The following EPS15 variants were observed in gnomAD, a reference collection of about 807,000 sequenced individuals.
The protein encoded by EPS15 is epidermal growth factor receptor pathway substrate 15.
In EPS15, 72 loss-of-function variants were observed where a neutral mutation model predicts 113.8. The ratio of observed to expected loss-of-function variants is 0.63; its 90% CI spans 0.52 to 0.77. EPS15 has a LOEUF of 0.77. Among genes scored for constraint, EPS15 ranks in the 30% least tolerant of loss-of-function variants. The probability of loss-of-function intolerance (pLI) is 0.00; values close to 1 mark genes in which losing one functional copy is unlikely to be tolerated. For synonymous variants in EPS15, 344 were observed against 363.4 expected, an observed-to-expected ratio of 0.95 and a Z score of 0.61; for missense variants, 1,048 against 1,045.8, an observed-to-expected ratio of 1.00 and a Z score of -0.03.
chr1:51,512,246 A>G (rs1265515835), intron 1 of EPS15, among the ~76,000 whole-genome samples: 2 of 152,056 alleles, frequency 1.3e-5, no homozygotes, highest in African/African-American at 2.4e-5. Flanking sequence ...AGAGGTCTCA[A>G]TAATACCCAA....
chr1:51,394,468 C>G, intron 20 of EPS15, 21 bp from the exon 21 acceptor site: 1 of 1,551,366 alleles, frequency 6.4e-7, no homozygotes, highest in Non-Finnish European at 8.8e-7. Context: ...CATACAAAAC[C>G]ATGAATGAGA....
At chr1:51,478,395 T>C (rs1643955405) in intron 2 of EPS15, among the ~76,000 whole-genome samples, 1 of 152,242 alleles carries the variant, frequency 6.6e-6, no homozygotes, top group Non-Finnish European at 1.5e-5. Context: ...CTGATGGGTC[T>C]TGCCTCTTTA....
At chr1:51,423,406 C>A in intron 12 of EPS15, 1 of 1,109,206 alleles carries the variant, frequency 9.0e-7, no homozygotes, top group South Asian at 2.1e-5. Context: ...TCTGAAAATA[C>A]CCAACAAATT....
intron 1 of EPS15, among the ~76,000 whole-genome samples, chr1:51,517,096 C>T (rs1321327973): frequency 6.6e-6 from 1 of 152,198 alleles, no homozygotes; most frequent in Non-Finnish European, 1.5e-5. Flanking sequence ...AACCACAAAT[C>T]TGCAAAGTTT....
chr1:51,361,159 C>CACA lies in EPS15; in HGVS notation c.2544+9_2544+11dup. The CACA allele has an allele frequency of 6.3e-7, 1 of 1,595,598 alleles. No individual in the cohort carries two copies. The highest frequency in any genetic ancestry group is 1.3e-5 in the African/African-American group (1 of 74,384). On this transcript the variant is annotated intron_variant, in intron 24 of 24. Transcript: ENST00000371733. Reference sequence around the variant, plus strand: ...AGATTTCTCCCCCAAACAGCTCATTCACAGTACTTACAGCACTGAAGTTGG... The same window carrying CACA: ...AGATTTCTCCCCCAAACAGCTCATTCACAACAGTACTTACAGCACTGAAGTTGG...
intron 1 of EPS15, among the ~76,000 whole-genome samples, chr1:51,500,145 A>G (rs1170144941): frequency 2.0e-5 from 3 of 152,224 alleles, no homozygotes; most frequent in Non-Finnish European, 2.9e-5. Context: ...TAAGAGTCAA[A>G]AATACTCCGT....
At chr1:51,481,179 T>G in intron 2 of EPS15, 94 bp downstream of exon 2, 3 of 745,474 alleles carry the variant, frequency 4.0e-6, no homozygotes, top group South Asian at 3.1e-5. Flanking sequence ...CACATCAAAT[T>G]TATCGAGCTA....
intron 24 of EPS15, among the ~76,000 whole-genome samples, chr1:51,358,270 G>A (rs867346870): frequency 3.3e-5 from 5 of 151,820 alleles, no homozygotes; most frequent in African/African-American, 9.7e-5. Flanking sequence ...CAGCCAGATC[G>A]ACGGAGTGAG....
chr1:51,516,161 C>T (rs1644712630), intron 1 of EPS15, among the ~76,000 whole-genome samples: 1 of 151,996 alleles, frequency 6.6e-6, no homozygotes, highest in African/African-American at 2.4e-5. Flanking sequence ...CTGTAAAGCA[C>T]TAAAGAACCC....
intron 1 of EPS15, among the ~76,000 whole-genome samples, chr1:51,489,785 A>G (rs1644198336): frequency 6.6e-6 from 1 of 152,086 alleles, no homozygotes; most frequent in South Asian, 2.1e-4. Context: ...TCCAAGTAGA[A>G]GCTTCAACAG....
At chr1:51,436,683 T>A (rs765770532) in intron 12 of EPS15, among the ~76,000 whole-genome samples, 8 of 152,030 alleles carry the variant, frequency 5.3e-5, no homozygotes, top group Non-Finnish European at 1.0e-4. Flanking sequence ...ATGTCTAAGA[T>A]GAGATTTGAA....
chr1:51,395,607 C>A (rs974698895), intron 20 of EPS15, among the ~76,000 whole-genome samples: 15 of 152,282 alleles, frequency 9.9e-5, no homozygotes, highest in Admixed American at 5.2e-4. Context: ...AGTCTGGGAT[C>A]AAGAGCAACT....
chr1:51,485,754 T>A (rs1644108139), intron 1 of EPS15, among the ~76,000 whole-genome samples: 2 of 152,186 alleles, frequency 1.3e-5, no homozygotes, highest in Admixed American at 6.5e-5. Context: ...AGATTTCATT[T>A]TGAAATTTTA....
chr1:51,493,528 T>TTAAATAAATAAATAAATAAAAAAA (rs1644275718), intron 1 of EPS15, among the ~76,000 whole-genome samples: 1 of 133,406 alleles, frequency 7.5e-6, no homozygotes, highest in African/African-American at 2.8e-5. Flanking sequence ...CAGTCTCAAA[T>TTAAATAAATAAATAAATAAAAAAA]TAAATAAATA....
intron 1 of EPS15, chr1:51,490,415 A>C: frequency 3.2e-6 from 1 of 314,678 alleles, no homozygotes; most frequent in Non-Finnish European, 6.3e-6. Context: ...AATACAAAAA[A>C]TTAGCTGGGC....
At chr1:51,446,476 GGA>G (rs372925375) in intron 10 of EPS15, among the ~76,000 whole-genome samples, 255 of 129,742 alleles carry the variant, frequency 2.0e-3, no homozygotes, top group African/African-American at 7.6e-3. Flanking sequence ...TTTTTGAGAT[GGA>G]GTTTCATTCT....
chr1:51,497,921 G>C (rs1644352751), intron 1 of EPS15, among the ~76,000 whole-genome samples: 1 of 150,832 alleles, frequency 6.6e-6, no homozygotes. Flanking sequence ...AGGTTGCAGT[G>C]AGGCGAGATT....
At chr1:51,485,677 A>G (rs988223411) in intron 1 of EPS15, among the ~76,000 whole-genome samples, 5 of 152,246 alleles carry the variant, frequency 3.3e-5, no homozygotes, top group African/African-American at 9.6e-5. Context: ...TTGCCAAGAC[A>G]CTGAAATATA....
chr1:51,403,394 A>G (rs199502461), intron 17 of EPS15, 25 bp downstream of exon 17: 134 of 1,288,822 alleles, frequency 1.0e-4, no homozygotes, highest in Middle Eastern at 7.4e-4. Flanking sequence ...CAAGTCCCCA[A>G]TGTAAATATA....
Sources: allele counts gnomAD v4.1 joint callset (sites outside exome capture counted in the v4.1 genomes callset), GRCh38; gene constraint gnomAD v4.1.1; transcripts MANE v1.5; gene names NCBI Gene and HGNC (gene_info 2026-07-23, HGNC 2026-07-21).